Variants in FRMD8 observed in about 807,000 individuals in gnomAD.
FRMD8 encodes the protein FERM domain-containing protein 8.
FRMD8 carries 37 observed loss-of-function variants against 54.2 expected under a neutral mutation model. That is an observed-to-expected ratio of 0.68 (90% CI 0.53 to 0.90). FRMD8 has a LOEUF of 0.90. Among genes scored for constraint, FRMD8 ranks in the 40% least tolerant of loss-of-function variants. FRMD8 has a pLI of 0.00. For missense variants in FRMD8, 585 were observed against 653.7 expected, an observed-to-expected ratio of 0.89 and a Z score of 1.15; for synonymous variants, 246 against 286.9, an observed-to-expected ratio of 0.86 and a Z score of 1.44.
At chr11:65,374,528 G>A in the FRMD8 span, among the ~76,000 whole-genome samples, 2 of 152,198 alleles carry the variant, frequency 1.3e-5, no homozygotes, top group Non-Finnish European at 2.9e-5. Flanking sequence ...CCCAGTAAAT[G>A]GCAGGAATTC....
At chr11:65,398,888 GGGGTTTAACTT>G in intron 7 of FRMD8, among the ~76,000 whole-genome samples, 1 of 152,276 alleles carries the variant, frequency 6.6e-6, no homozygotes, top group African/African-American at 2.4e-5. Flanking sequence ...TGGAGAGAGC[GGGGTTTAACTT>G]GGGCTCTGGC....
the FRMD8 span, among the ~76,000 whole-genome samples, chr11:65,369,980 A>C: frequency 4.7e-5 from 7 of 150,508 alleles, no homozygotes; most frequent in Non-Finnish European, 1.0e-4. Flanking sequence ...GCGGTGAGCC[A>C]AGATCACACC....
At chr11:65,380,404 C>A in the FRMD8 span, 1 of 906,638 alleles carries the variant, frequency 1.1e-6, no homozygotes, top group East Asian at 2.7e-5. Flanking sequence ...AGACCCCAGG[C>A]CCCACCTGAG....
the FRMD8 span, among the ~76,000 whole-genome samples, chr11:65,373,972 G>A: frequency 3.3e-5 from 5 of 152,160 alleles, no homozygotes; most frequent in African/African-American, 1.2e-4. Flanking sequence ...CTTACCCACT[G>A]AGTCAGGATG....
At chr11:65,407,228 CATTTATTTATTTATTTATTTATTT>C (rs66771671) in intron 10 of FRMD8, among the ~76,000 whole-genome samples, 6 of 147,090 alleles carry the variant, frequency 4.1e-5, no homozygotes, top group Non-Finnish European at 6.0e-5. Flanking sequence ...CAAAGATCTA[CATTTATTTATTTATTTATTTATTT>C]ATTTATTTAT....
the FRMD8 span, among the ~76,000 whole-genome samples, chr11:65,369,583 A>T: frequency 6.6e-6 from 1 of 150,576 alleles, no homozygotes; most frequent in Non-Finnish European, 1.5e-5. Flanking sequence ...ACAAAAAATT[A>T]GCCAGGCTTG....
the FRMD8 span, chr11:65,380,478 G>A: frequency 3.9e-5 from 51 of 1,319,506 alleles, no homozygotes; most frequent in African/African-American, 5.9e-5. Flanking sequence ...GCCCATACCC[G>A]GGTATCCCAC....
chr11:65,389,600 A>G, intron 3 of FRMD8, 72 bp downstream of exon 3: 3 of 1,448,704 alleles, frequency 2.1e-6, no homozygotes, highest in Non-Finnish European at 2.8e-6. Flanking sequence ...GGGAGGGGGC[A>G]GTGTTTGGAG....
chr11:65,382,190 A>G, upstream of FRMD8: 1 of 569,604 alleles, frequency 1.8e-6, no homozygotes, highest in Non-Finnish European at 3.2e-6. The surrounding 1 kb of genome is among the most constrained non-coding windows in gnomAD (Gnocchi z 4.4). Context: ...GCGTGCCGGG[A>G]CCACAGAGGC....
the FRMD8 span, among the ~76,000 whole-genome samples, chr11:65,374,311 T>C: frequency 5.5e-5 from 8 of 145,814 alleles, no homozygotes; most frequent in African/African-American, 2.0e-4. Flanking sequence ...GACCCCCATG[T>C]GCCCAGGTGG....
In FRMD8 at chr11:65,386,766, G is replaced by C. The variant is rs1421340395; in HGVS notation, c.-1+5G>C. 4.0e-6 allele frequency: 2 copies of C among 503,766 alleles called. No homozygotes were observed. Among genetic ancestry groups the C allele is most frequent in the African/African-American group, 2.0e-5 (1 of 49,972 alleles). 31.2% of individuals were successfully genotyped at this position (503,766 alleles called of 1,614,324 possible). ...CGGGCTCTGCGACCCTGCGAGGTGA[G>C]AGCACAGCGACGTCTGGCCCGGGCC... On this transcript the variant is annotated splice_donor_5th_base_variant and intron_variant, in intron 1 of 10. Transcript: ENST00000317568.
the FRMD8 span, chr11:65,376,273 G>T: frequency 8.8e-7 from 1 of 1,138,908 alleles, no homozygotes; most frequent in African/African-American, 1.5e-5. Flanking sequence ...CCAGATCTGC[G>T]CGGGTGGGAG....
the FRMD8 span, chr11:65,376,184 G>A: frequency 1.7e-6 from 1 of 601,616 alleles, no homozygotes; most frequent in Admixed American, 3.0e-5. Flanking sequence ...AGATGTGGGA[G>A]GCAAAGGAGT....
chr11:65,378,157 C>T, the FRMD8 span: 1 of 152,220 alleles, frequency 6.6e-6, no homozygotes, highest in South Asian at 2.1e-4. Flanking sequence ...GAGCCCTGAG[C>T]TCCTGGGGGC....
At chr11:65,394,182 C>T (rs1292773540) in intron 5 of FRMD8, 77 bp from the exon 6 acceptor site, 3 of 1,598,594 alleles carry the variant, frequency 1.9e-6, no homozygotes, top group Non-Finnish European at 1.7e-6. Flanking sequence ...GACATTCGCA[C>T]CTTGCCCCAG....
chr11:65,393,884 G>GCCA, intron 4 of FRMD8, 157 bp from the exon 5 acceptor site: 1 of 824,276 alleles, frequency 1.2e-6, no homozygotes. Context: ...AGCCACCGGG[G>GCCA]CACGTTGGGA....
Position 65,400,634 on chromosome 11 carries a change from C to G in FRMD8, c.928-90C>G. 7.6e-7 allele frequency: 1 copy of G among 1,318,166 alleles called. No individual in the cohort carries two copies. Among genetic ancestry groups the G allele is most frequent in the East Asian group, 2.6e-5 (1 of 38,896 alleles). 81.7% of individuals were successfully genotyped at this position (1,318,166 alleles called of 1,614,324 possible). On this transcript the variant is annotated intron_variant, in intron 8 of 10. Coordinates refer to ENST00000317568, the MANE Select transcript of FRMD8 (RefSeq NM_031904.5). This position sits in a 1 kb window ranked among gnomAD's most constrained non-coding sequence, Gnocchi z 4.3. ...ATGTAGACTCAGCCTTGGAGAGGCACACACCCTGGCCAGGTGTCTGAGTGG... is the reference window on the plus strand; with the variant it reads ...ATGTAGACTCAGCCTTGGAGAGGCAGACACCCTGGCCAGGTGTCTGAGTGG...
At chr11:65,397,275 G>A (rs553468532) in intron 7 of FRMD8, among the ~76,000 whole-genome samples, 7 of 152,308 alleles carry the variant, frequency 4.6e-5, no homozygotes, top group South Asian at 2.1e-4. Flanking sequence ...TGGCCCGGCC[G>A]ACCTCGCCTT....
the FRMD8 span, chr11:65,379,565 C>A: frequency 6.2e-7 from 1 of 1,601,286 alleles, no homozygotes; most frequent in Non-Finnish European, 8.5e-7. Context: ...CCAGGAGCTG[C>A]AGAGAGACAC....
Sources: gnomAD v4.1 joint callset for allele counts (sites outside exome capture counted in the v4.1 genomes callset) on GRCh38, gnomAD v4.1.1 for gene constraint, Gnocchi (gnomAD v3.1) non-coding constraint, MANE v1.5 for transcripts, NCBI Gene and HGNC (gene_info 2026-07-23, HGNC 2026-07-21) for gene names.